Variants in THRA observed in about 807,000 individuals in gnomAD.
The protein encoded by THRA is thyroid hormone receptor alpha, also known as EAR-7.
THRA carries 13 observed loss-of-function variants against 45.0 expected under a neutral mutation model. The observed-to-expected ratio is 0.29, with a 90% CI of 0.19 to 0.46. The LOEUF is 0.46. Among genes scored for constraint, THRA ranks in the 20% least tolerant of loss-of-function variants. The pLI, the probability that THRA is intolerant of heterozygous loss-of-function variation, is 1.00. For missense variants in THRA, 278 were observed against 556.1 expected, an observed-to-expected ratio of 0.50 and a Z score of 5.03; for synonymous variants, 195 against 214.0, an observed-to-expected ratio of 0.91 and a Z score of 0.78.
intron 1 of THRA, among the ~76,000 whole-genome samples, chr17:40,072,918 C>T (rs1182768709): frequency 6.6e-6 from 1 of 152,180 alleles, no homozygotes; most frequent in Non-Finnish European, 1.5e-5. Context: ...TCCTGTCCAG[C>T]CCCCAGTGCC....
Position 40,089,423 on chromosome 17 carries a change from C to A in THRA, c.1200C>A (p.Leu400=), listed in dbSNP as rs377494036. 5 of 1,614,098 alleles carry A rather than the reference C, an allele frequency of 3.1e-6. No homozygotes were observed. Among genetic ancestry groups the A allele is most frequent in the Non-Finnish European group, 4.2e-6 (5 of 1,180,044 alleles). ...VECPTELFPP[L]FLEVFEDQEV is the part of the protein sequence containing the mutation. The stretch of plus-strand genomic sequence containing the variant: ...GCCCCACCGAACTCTTCCCCCCACT[C>A]TTCCTCGAGGTCTTTGAGGATCAGG... The change falls in exon 9 of 9, where the codon CTC becomes CTA. Residue 400 remains leucine, a synonymous_variant. Transcript: ENST00000450525. This position sits in a 1 kb window ranked among gnomAD's most constrained non-coding sequence, Gnocchi z 6.1.
At chr17:40,065,151 A>G (rs867138949) in intron 1 of THRA, among the ~76,000 whole-genome samples, 7 of 151,974 alleles carry the variant, frequency 4.6e-5, no homozygotes, top group Middle Eastern at 3.4e-3. Flanking sequence ...AGCAGTGTCC[A>G]GTGACTTCTA....
chr17:40,071,000 C>T (rs1408086067), intron 1 of THRA, among the ~76,000 whole-genome samples: 1 of 151,838 alleles, frequency 6.6e-6, no homozygotes, highest in Non-Finnish European at 1.5e-5. Flanking sequence ...TCTTCCTCTC[C>T]CTCTACTGCC....
At position 40,080,993 on chromosome 17, in the gene THRA, A is replaced by G. The variant is rs947322539; in HGVS notation, c.223-2842A>G. On this transcript the variant is annotated intron_variant, in intron 4 of 8. Transcript: ENST00000450525. ...CACCTCAGCCTCCCAAAGAGCTGGGATTACAGGCGTGAGCCACCGCACTCG... is the reference window on the plus strand; with the variant it reads ...CACCTCAGCCTCCCAAAGAGCTGGGGTTACAGGCGTGAGCCACCGCACTCG... 2.0e-5 allele frequency among the ~76,000 whole-genome samples: 3 copies of G among 152,014 alleles called. No homozygotes were observed. The South Asian group carries it at 6.2e-4, about 32-fold the overall frequency.
chr17:40,090,570 A>G lies in THRA; in HGVS notation c.*1114A>G, dbSNP rs1567656730. On this transcript the variant is annotated 3_prime_UTR_variant, in exon 9 of 9. Coordinates refer to ENST00000450525, the MANE Select transcript of THRA (RefSeq NM_199334.5). ...CTGCTGCATTGGTTGGGTCGGGGGT[A>G]GGAGGGCTGTGCGTGAGCGTCTCCC... is the stretch of plus-strand genomic sequence containing the variant. 2 of 152,288 alleles carry G rather than the reference A, an allele frequency of 1.3e-5. No homozygotes were observed. Among genetic ancestry groups the G allele is most frequent in the Non-Finnish European group, 2.9e-5 (2 of 68,154 alleles). 9.4% of individuals were successfully genotyped at this position (152,288 alleles called of 1,614,324 possible). A position where few individuals can be genotyped will look rare whatever the true frequency, so the allele number is the denominator to read the frequency against.
intron 4 of THRA, among the ~76,000 whole-genome samples, chr17:40,078,124 C>G (rs1225000549): frequency 6.6e-6 from 1 of 152,244 alleles, no homozygotes; most frequent in African/African-American, 2.4e-5. Flanking sequence ...TAATCATTCT[C>G]TCTACCTTAT....
intron 4 of THRA, among the ~76,000 whole-genome samples, chr17:40,083,222 C>T (rs993400724): frequency 3.3e-5 from 5 of 152,136 alleles, no homozygotes; most frequent in African/African-American, 7.2e-5. Context: ...CCACCGCGCC[C>T]GGCCTACGCC....
intron 4 of THRA, among the ~76,000 whole-genome samples, chr17:40,078,134 T>C (rs868755112): frequency 6.6e-6 from 1 of 152,238 alleles, no homozygotes; most frequent in African/African-American, 2.4e-5. Context: ...CTCTACCTTA[T>C]AGCATTGTTG....
chr17:40,078,702 T>TA (rs1161568410), intron 4 of THRA, among the ~76,000 whole-genome samples: 11 of 149,994 alleles, frequency 7.3e-5, no homozygotes, highest in Non-Finnish European at 1.5e-4. Context: ...TCCTACTAGT[T>TA]AAAATGCAGA....
chr17:40,081,389 T>C (rs1987132457), intron 4 of THRA, among the ~76,000 whole-genome samples: 1 of 151,800 alleles, frequency 6.6e-6, no homozygotes, highest in Non-Finnish European at 1.5e-5. Context: ...GCCTCCAGAG[T>C]AGCTGGGATT....
At position 40,092,838 on chromosome 17, in the gene THRA, A is replaced by C; in HGVS notation, c.*3382A>C. ...TTGAGACAGGAACAGAACAAATCAG[A>C]GGGCCAGGGGAGGGTTGTGGGGGAG... On this transcript the variant is annotated 3_prime_UTR_variant, in exon 9 of 9. Coordinates refer to ENST00000450525, the MANE Select transcript of THRA (RefSeq NM_199334.5). 1.2e-6 allele frequency: 1 copy of C among 844,786 alleles called. No individual in the cohort carries two copies. The highest frequency in any genetic ancestry group is 1.8e-6 in the Non-Finnish European group (1 of 564,650). 52.3% of individuals were successfully genotyped at this position (844,786 alleles called of 1,614,324 possible).
Position 40,088,307 on chromosome 17 carries a change from G to A in THRA, c.789G>A (p.Ala263=), listed in dbSNP as rs756119231. ...GCATGGAGATCATGTCCCTGCGGGC[G>A]GCTGTCCGCTACGACCCTGAGAGCG... ...GCCMEIMSLR[A]AVRYDPESDT... is the part of the protein sequence containing the mutation. The change falls in exon 8 of 9, where the codon GCG becomes GCA. Residue 263 remains alanine (A), a synonymous_variant. Transcript: ENST00000450525. 26 of 1,612,944 alleles carry A rather than the reference G, an allele frequency of 1.6e-5. No homozygotes were observed. The highest frequency in any genetic ancestry group is 2.2e-5 in the East Asian group (1 of 44,858).
rs568193171 is a variant in THRA, at chr17:40,065,454, T to C, written c.-298+2362T>C. Among the ~76,000 whole-genome samples the C allele has an allele frequency of 7.9e-5, 12 of 152,330 alleles. No homozygotes were observed. In the South Asian group the frequency reaches 2.5e-3, roughly 32 times the overall value. On this transcript the variant is annotated intron_variant, in intron 1 of 8. Transcript: ENST00000450525. ...GAATTTCTCTCTAACTCTGTCTCTC[T>C]GTTGCTCTGTCTTGCAGTGTCTGAT...
At chr17:40,062,545 T>C (rs1567645266), upstream of THRA, 1 of 152,108 alleles carries the variant, frequency 6.6e-6, no homozygotes, top group African/African-American at 2.4e-5. Flanking sequence ...CCCCGATGTA[T>C]AAGGTGCAGG....
chr17:40,068,304 A>G (rs763794437), intron 1 of THRA, among the ~76,000 whole-genome samples: 20 of 152,348 alleles, frequency 1.3e-4, no homozygotes, highest in African/African-American at 3.1e-4. Flanking sequence ...CCTGTGTTCA[A>G]TCCATGTTGC....
At chr17:40,062,760 CGGGGGTCCCG>C (rs1170635916), upstream of THRA, 27 of 36,498 alleles carry the variant, frequency 7.4e-4, no homozygotes, top group Admixed American at 3.1e-3. Flanking sequence ...GGACCTCTGG[CGGGGGTCCCG>C]GGGCGCGGCA....
rs532679295 is a variant in THRA, at chr17:40,088,292, C to T, written c.774C>T (p.Ile258=). The change falls in exon 8 of 9, where the codon ATC becomes ATT. Residue 258 remains isoleucine (I), a synonymous_variant. Coordinates refer to ENST00000450525, the MANE Select transcript of THRA (RefSeq NM_199334.5). ...IILLKGCCME[I]MSLRAAVRYD... is the part of the protein sequence containing the mutation. ...TCCTGAAGGGGTGCTGCATGGAGAT[C>T]ATGTCCCTGCGGGCGGCTGTCCGCT... 1.7e-5 allele frequency: 28 copies of T among 1,611,222 alleles called. No individual in the cohort carries two copies. In the South Asian group the frequency reaches 2.9e-4, roughly 16 times the overall value.
At position 40,091,256 on chromosome 17, in the gene THRA, A is replaced by ACACACACACACG. The variant is rs1987529132; in HGVS notation, c.*1811_*1812insGCACACACACAC. The ACACACACACACG allele has an allele frequency of 6.4e-6, 1 of 155,968 alleles. No homozygotes were observed. Among genetic ancestry groups the ACACACACACACG allele is most frequent in the Non-Finnish European group, 1.4e-5 (1 of 71,460 alleles). 9.7% of individuals were successfully genotyped at this position (155,968 alleles called of 1,614,324 possible). On this transcript the variant is annotated 3_prime_UTR_variant, in exon 9 of 9. Transcript: ENST00000450525. ...TACACACACACACACACACACACAC[A>ACACACACACACG]CACACACACACACACGGACATGCAC...
In THRA at chr17:40,090,675, C is replaced by G. The variant is rs754560240; in HGVS notation, c.*1219C>G. On this transcript the variant is annotated 3_prime_UTR_variant, in exon 9 of 9. Coordinates refer to ENST00000450525, the MANE Select transcript of THRA (RefSeq NM_199334.5). Reference sequence around the variant, plus strand: ...GCTCTCTCTAACCTCTGCCCTCCTCCCCAGCTCCTACTCACTGCACTAACT... The same window carrying G: ...GCTCTCTCTAACCTCTGCCCTCCTCGCCAGCTCCTACTCACTGCACTAACT... 6.6e-6 allele frequency: 1 copy of G among 152,524 alleles called. No homozygotes were observed. Among genetic ancestry groups the G allele is most frequent in the Non-Finnish European group, 1.5e-5 (1 of 68,276 alleles). 9.4% of individuals were successfully genotyped at this position (152,524 alleles called of 1,614,324 possible).
Sources: allele counts gnomAD v4.1 joint callset (sites outside exome capture counted in the v4.1 genomes callset), GRCh38; gene constraint gnomAD v4.1.1; non-coding constraint Gnocchi (gnomAD v3.1); transcripts MANE v1.5; gene names NCBI Gene and HGNC (gene_info 2026-07-23, HGNC 2026-07-21).